Variants in KCNIP4 observed in about 807,000 individuals in gnomAD.
The protein encoded by KCNIP4 is potassium voltage-gated channel interacting protein 4.
In KCNIP4, 12 loss-of-function variants were observed where a neutral mutation model predicts 34.0. The ratio of observed to expected loss-of-function variants is 0.35; its 90% CI spans 0.23 to 0.57. The LOEUF (loss-of-function observed/expected upper bound fraction) is 0.57. Among genes scored for constraint, KCNIP4 ranks in the 20% least tolerant of loss-of-function variants. The pLI, the probability that KCNIP4 is intolerant of heterozygous loss-of-function variation, is 0.83. For synonymous variants in KCNIP4, 124 were observed against 102.2 expected, an observed-to-expected ratio of 1.21 and a Z score of -1.29; for missense variants, 238 against 311.7, an observed-to-expected ratio of 0.76 and a Z score of 1.78.
chr4:21,777,421 C>A (rs1719256718), intron 1 of KCNIP4, among the ~76,000 whole-genome samples: 1 of 152,102 alleles, frequency 6.6e-6, no homozygotes, highest in Admixed American at 6.5e-5. Context: ...ACTAAAGCAC[C>A]TTCATATGGT....
At chr4:21,180,399 G>C (rs1219100722) in intron 1 of KCNIP4, among the ~76,000 whole-genome samples, 1 of 152,000 alleles carries the variant, frequency 6.6e-6, no homozygotes, top group African/African-American at 2.4e-5. Context: ...TATCCCTAGA[G>C]TTCTGCTTTG....
intron 3 of KCNIP4, among the ~76,000 whole-genome samples, chr4:20,765,755 A>G (rs16869940): frequency 0.16 from 24,428 of 152,190 alleles, 2,566 homozygotes; most frequent in Admixed American, 0.32. Context: ...TATGATCACA[A>G]CACAATAAAA....
intron 1 of KCNIP4, among the ~76,000 whole-genome samples, chr4:21,039,741 A>G (rs1443315651): frequency 6.6e-6 from 1 of 152,040 alleles, no homozygotes; most frequent in Non-Finnish European, 1.5e-5. Flanking sequence ...TTTGTTTTTT[A>G]TTCTTCTTTA....
chr4:21,123,221 C>T (rs922586033), intron 1 of KCNIP4, among the ~76,000 whole-genome samples: 1 of 151,482 alleles, frequency 6.6e-6, no homozygotes, highest in African/African-American at 2.4e-5. Flanking sequence ...AAAAAAATTA[C>T]TGTTGACTTT....
At chr4:21,657,174 T>G (rs777555101) in intron 1 of KCNIP4, among the ~76,000 whole-genome samples, 1 of 152,210 alleles carries the variant, frequency 6.6e-6, no homozygotes, top group Non-Finnish European at 1.5e-5. Flanking sequence ...CTATTGAGAC[T>G]TTTCAACGCT....
chr4:21,138,437 T>C (rs10001158), intron 1 of KCNIP4, among the ~76,000 whole-genome samples: 80,073 of 151,774 alleles, frequency 0.53, 21,703 homozygotes, highest in African/African-American at 0.64. Flanking sequence ...TCTTGTTCCT[T>C]CTACAAATCA....
chr4:21,666,896 T>C (rs1749009985), intron 1 of KCNIP4, among the ~76,000 whole-genome samples: 1 of 152,196 alleles, frequency 6.6e-6, no homozygotes, highest in South Asian at 2.1e-4. Context: ...CTTCAGACCT[T>C]TCTAAATCCC....
intron 2 of KCNIP4, among the ~76,000 whole-genome samples, chr4:20,874,904 A>G (rs895867374): frequency 3.9e-5 from 6 of 152,152 alleles, no homozygotes; most frequent in African/African-American, 1.4e-4. Context: ...GGAGTTTCTA[A>G]TGTTTCCCAT....
At chr4:20,770,144 GT>G (rs1214226484) in intron 3 of KCNIP4, among the ~76,000 whole-genome samples, 4 of 152,076 alleles carry the variant, frequency 2.6e-5, no homozygotes, top group Non-Finnish European at 5.9e-5. Flanking sequence ...TTTCATAGCA[GT>G]TTTTGTTTAA....
intron 1 of KCNIP4, among the ~76,000 whole-genome samples, chr4:21,584,360 C>T (rs897183512): frequency 6.6e-6 from 1 of 151,968 alleles, no homozygotes; most frequent in African/African-American, 2.4e-5. Flanking sequence ...ACTAATTTCT[C>T]AACCTAAATT....
chr4:21,252,298 T>C (rs1760768684), intron 1 of KCNIP4, among the ~76,000 whole-genome samples: 1 of 151,886 alleles, frequency 6.6e-6, no homozygotes, highest in African/African-American at 2.4e-5. Flanking sequence ...CTGCTAACTT[T>C]TGTATTTTTA....
intron 8 of KCNIP4, among the ~76,000 whole-genome samples, chr4:20,730,531 TTG>T (rs1747806172): frequency 6.6e-6 from 1 of 151,710 alleles, no homozygotes; most frequent in African/African-American, 2.4e-5. Context: ...CAAGGAAAAT[TTG>T]TGTGTATGAG....
At chr4:20,832,980 G>C (rs1355839748) in intron 3 of KCNIP4, among the ~76,000 whole-genome samples, 2 of 152,080 alleles carry the variant, frequency 1.3e-5, no homozygotes, top group Non-Finnish European at 2.9e-5. Flanking sequence ...GGTGAATAGA[G>C]GTTGCTAGGG....
chr4:21,310,970 G>C (rs1457101971), intron 1 of KCNIP4, among the ~76,000 whole-genome samples: 1 of 152,096 alleles, frequency 6.6e-6, no homozygotes, highest in Non-Finnish European at 1.5e-5. Context: ...ACAATGAGCC[G>C]CATTTATGGC....
At chr4:20,903,935 AT>A (rs1727435366) in intron 1 of KCNIP4, among the ~76,000 whole-genome samples, 1 of 152,074 alleles carries the variant, frequency 6.6e-6, no homozygotes, top group African/African-American at 2.4e-5. Flanking sequence ...ACTCTATTAG[AT>A]TATCAATTTT....
chr4:21,067,355 C>T (rs1022116051), intron 1 of KCNIP4, among the ~76,000 whole-genome samples: 4 of 152,004 alleles, frequency 2.6e-5, no homozygotes, highest in Non-Finnish European at 4.4e-5. Flanking sequence ...GGAGAGTCTC[C>T]TTCTGCCTGA....
Position 21,118,058 on chromosome 4 carries a change from C to A in KCNIP4, c.62-235349G>T, listed in dbSNP as rs78659540. 3.3e-5 allele frequency among the ~76,000 whole-genome samples: 5 copies of A among 152,088 alleles called. No individual in the cohort carries two copies. The South Asian group carries it at 6.2e-4, about 19-fold the overall frequency. On this transcript the variant is annotated intron_variant, in intron 1 of 8. Coordinates refer to ENST00000382152, the MANE Select transcript of KCNIP4 (RefSeq NM_025221.6). ...GTGAGAGGAGGATAGGCATGTGGAA[C>A]AAGATGAGTTGTGAATATTTAACTT... is the stretch of plus-strand genomic sequence containing the variant.
intron 1 of KCNIP4, among the ~76,000 whole-genome samples, chr4:21,929,842 T>C (rs1470615384): frequency 6.6e-6 from 1 of 152,158 alleles, no homozygotes; most frequent in East Asian, 1.9e-4. Flanking sequence ...TTAAGATAAT[T>C]GGCCAAATAT....
chr4:21,616,862 T>C (rs1744644559), intron 1 of KCNIP4, among the ~76,000 whole-genome samples: 2 of 152,366 alleles, frequency 1.3e-5, no homozygotes, highest in South Asian at 4.1e-4. Flanking sequence ...AGCTAATTGA[T>C]GACCTTATTT....
Sources: gnomAD v4.1 joint callset for allele counts (sites outside exome capture counted in the v4.1 genomes callset) on GRCh38, gnomAD v4.1.1 for gene constraint, MANE v1.5 for transcripts, NCBI Gene and HGNC (gene_info 2026-07-23, HGNC 2026-07-21) for gene names.